The following RABGAP1 variants were observed in gnomAD, a reference collection of about 807,000 sequenced individuals.
RABGAP1 encodes the protein RAB GTPase activating protein 1.
RABGAP1 carries 23 observed loss-of-function variants against 137.6 expected under a neutral mutation model. That is an observed-to-expected ratio of 0.17 (90% CI 0.12 to 0.24). The LOEUF is 0.24. Ranked by LOEUF, RABGAP1 falls within the 10% of genes least tolerant of loss-of-function variation. The pLI, the probability that RABGAP1 is intolerant of heterozygous loss-of-function variation, is 1.00. For synonymous variants in RABGAP1, 451 were observed against 450.7 expected (o/e 1.00, Z -0.01); for missense variants, 906 against 1,275.8 (o/e 0.71, Z 4.42).
At chr9:122,980,661 A>G (rs1428753701) in intron 2 of RABGAP1, among the ~76,000 whole-genome samples, 1 of 152,230 alleles carries the variant, frequency 6.6e-6, no homozygotes, top group Non-Finnish European at 1.5e-5. Flanking sequence ...CAACTTTCCT[A>G]GCCTCTCTAG....
chr9:122,971,463 A>G (rs534444882), intron 2 of RABGAP1, among the ~76,000 whole-genome samples: 2 of 152,370 alleles, frequency 1.3e-5, no homozygotes, highest in South Asian at 4.1e-4. Context: ...AGAATTATTT[A>G]TTATGAGCAA....
intron 21 of RABGAP1, among the ~76,000 whole-genome samples, chr9:123,090,862 C>T (rs1408235556): frequency 6.6e-6 from 1 of 152,174 alleles, no homozygotes; most frequent in African/African-American, 2.4e-5. Flanking sequence ...CTTTGCTTCT[C>T]CTAATCTTAA....
chr9:122,985,450 A>G (rs904435705), intron 3 of RABGAP1, among the ~76,000 whole-genome samples: 1 of 152,086 alleles, frequency 6.6e-6, no homozygotes, highest in African/African-American at 2.4e-5. Flanking sequence ...TGTCTCTATT[A>G]AAATACAAAA....
intron 14 of RABGAP1, among the ~76,000 whole-genome samples, chr9:123,067,882 C>T (rs1407200317): frequency 6.6e-6 from 1 of 152,190 alleles, no homozygotes; most frequent in African/African-American, 2.4e-5. Flanking sequence ...TGCTCCCCTC[C>T]ATTTTCTACC....
At chr9:122,977,570 A>G (rs918424575) in intron 2 of RABGAP1, among the ~76,000 whole-genome samples, 4 of 152,140 alleles carry the variant, frequency 2.6e-5, no homozygotes, top group African/African-American at 9.7e-5. Flanking sequence ...GCTGGGCGTG[A>G]TGGCGCATGC....
chr9:122,996,975 A>G, intron 8 of RABGAP1: 1 of 554,114 alleles, frequency 1.8e-6, no homozygotes, highest in South Asian at 1.6e-5. Flanking sequence ...TTTCAAAACT[A>G]AAAATTATAA....
At chr9:122,983,669 AG>A (rs1463272872) in intron 2 of RABGAP1, among the ~76,000 whole-genome samples, 1 of 152,210 alleles carries the variant, frequency 6.6e-6, no homozygotes, top group Non-Finnish European at 1.5e-5. Flanking sequence ...CTCCTAAATC[AG>A]GGCTCCCTCT....
intron 20 of RABGAP1, 96 bp from the exon 21 acceptor site, chr9:123,090,179 T>C: frequency 1.1e-6 from 1 of 908,198 alleles, no homozygotes; most frequent in East Asian, 2.6e-5. Context: ...ATTGTTTCCA[T>C]AGGACTTAGA....
At chr9:122,949,141 T>G (rs904944358) in intron 1 of RABGAP1, among the ~76,000 whole-genome samples, 1 of 151,984 alleles carries the variant, frequency 6.6e-6, no homozygotes, top group Non-Finnish European at 1.5e-5. Context: ...TTGGGGAGGC[T>G]GAGGCAGGTG....
chr9:123,100,066 TC>T (rs1198866554), intron 24 of RABGAP1, among the ~76,000 whole-genome samples: 1 of 152,078 alleles, frequency 6.6e-6, no homozygotes, highest in Admixed American at 6.5e-5. Flanking sequence ...TCAAGCGAAA[TC>T]CCTCCCTCAG....
intron 11 of RABGAP1, 51 bp downstream of exon 11, chr9:123,010,579 A>T: frequency 6.6e-7 from 1 of 1,517,322 alleles, no homozygotes; most frequent in Non-Finnish European, 9.1e-7. Context: ...AGACCATGCA[A>T]ACTATTAAAA....
At chr9:123,000,926 C>G (rs1412061304) in intron 10 of RABGAP1, among the ~76,000 whole-genome samples, 1 of 152,122 alleles carries the variant, frequency 6.6e-6, no homozygotes, top group African/African-American at 2.4e-5. Flanking sequence ...GCATAAAACC[C>G]TCCAGCCTTG....
intron 13 of RABGAP1, among the ~76,000 whole-genome samples, chr9:123,046,072 A>G (rs972140330): frequency 2.6e-5 from 4 of 152,198 alleles, no homozygotes; most frequent in Non-Finnish European, 4.4e-5. Flanking sequence ...AAATCCCTTA[A>G]GTACTGCCTT....
intron 8 of RABGAP1, chr9:122,996,876 A>C: frequency 2.3e-6 from 1 of 442,252 alleles, no homozygotes; most frequent in Non-Finnish European, 4.1e-6. Context: ...CAAAAGAGAA[A>C]ATTTATTAAA....
chr9:122,996,943 C>T (rs779608929), intron 8 of RABGAP1: 1 of 518,468 alleles, frequency 1.9e-6, no homozygotes, highest in Non-Finnish European at 3.6e-6. Flanking sequence ...TAGTATTATT[C>T]CCATTATCTG....
At chr9:123,005,301 C>G (rs868259045) in intron 10 of RABGAP1, among the ~76,000 whole-genome samples, 1 of 135,768 alleles carries the variant, frequency 7.4e-6, no homozygotes, top group South Asian at 2.4e-4. Flanking sequence ...TTTTTTTTTC[C>G]TTTTTTTTTT....
At chr9:122,999,713 A>G (rs999797489) in intron 10 of RABGAP1, among the ~76,000 whole-genome samples, 2 of 150,856 alleles carry the variant, frequency 1.3e-5, no homozygotes, top group African/African-American at 4.9e-5. Flanking sequence ...TTAATTTTTA[A>G]ATTTTTTTTT....
intron 10 of RABGAP1, among the ~76,000 whole-genome samples, chr9:123,003,143 C>G (rs1251913194): frequency 6.6e-6 from 1 of 152,180 alleles, no homozygotes; most frequent in East Asian, 1.9e-4. Flanking sequence ...TGTATTCCCT[C>G]TTTTACATTC....
At chr9:123,041,172 C>T (rs566385117) in intron 13 of RABGAP1, among the ~76,000 whole-genome samples, 3 of 152,132 alleles carry the variant, frequency 2.0e-5, no homozygotes, top group African/African-American at 7.2e-5. Flanking sequence ...TTAATACTTC[C>T]AACACTGTAA....
Sources: gnomAD v4.1 joint callset for allele counts (sites outside exome capture counted in the v4.1 genomes callset) on GRCh38, gnomAD v4.1.1 for gene constraint, MANE v1.5 for transcripts, NCBI Gene and HGNC (gene_info 2026-07-23, HGNC 2026-07-21) for gene names.